Variants in GRM8 observed in about 807,000 individuals in gnomAD.
GRM8 encodes glutamate metabotropic receptor 8.
Under a neutral mutation model 87.2 loss-of-function variants are expected in GRM8, and 47 were observed. The ratio of observed to expected loss-of-function variants is 0.54; its 90% CI spans 0.43 to 0.69. The LOEUF is 0.69. Among genes scored for constraint, GRM8 ranks in the 30% least tolerant of loss-of-function variants. The pLI is 0.00. For missense variants in GRM8, 1,019 were observed against 1,139.2 expected (o/e 0.89, Z 1.52); for synonymous variants, 396 against 404.5 (o/e 0.98, Z 0.25).
In GRM8 at chr7:126,875,970, C is replaced by T. The variant is rs534384603; in HGVS notation, c.1156+26572G>A. On this transcript the variant is annotated intron_variant, in intron 6 of 10. Coordinates refer to ENST00000339582, the MANE Select transcript of GRM8 (RefSeq NM_000845.3). Reference sequence around the variant, plus strand: ...AATTCAGTAGTATTCATAGACCCAACACAATCTCTTCTTGTCTTTAATGTG... The same window carrying T: ...AATTCAGTAGTATTCATAGACCCAATACAATCTCTTCTTGTCTTTAATGTG... Among the ~76,000 whole-genome samples the T allele has an allele frequency of 1.4e-4, 22 of 152,262 alleles. No individual in the cohort carries two copies. In the South Asian group the frequency reaches 3.7e-3, roughly 26 times the overall value.
chr7:126,634,774 G>C (rs1488365226), intron 7 of GRM8, among the ~76,000 whole-genome samples: 3 of 152,096 alleles, frequency 2.0e-5, no homozygotes, highest in Non-Finnish European at 4.4e-5. Context: ...CAGACGTTAT[G>C]AGTATATGGA....
intron 7 of GRM8, among the ~76,000 whole-genome samples, chr7:126,666,703 A>C (rs1373721934): frequency 6.6e-6 from 1 of 152,198 alleles, no homozygotes; most frequent in Non-Finnish European, 1.5e-5. Context: ...AAAAAGAATA[A>C]GAACAAAAAT....
intron 2 of GRM8, among the ~76,000 whole-genome samples, chr7:127,206,798 T>C (rs951969306): frequency 1.3e-5 from 2 of 152,218 alleles, no homozygotes; most frequent in Non-Finnish European, 2.9e-5. Flanking sequence ...ACTAAAGAGA[T>C]TGTCAGCAGG....
chr7:126,604,377 A>G (rs1798146654), intron 8 of GRM8, among the ~76,000 whole-genome samples: 1 of 152,162 alleles, frequency 6.6e-6, no homozygotes, highest in East Asian at 1.9e-4. Flanking sequence ...CTCCCTATTC[A>G]GAACATCAGA....
chr7:126,890,549 G>A (rs1313264758), intron 6 of GRM8, among the ~76,000 whole-genome samples: 1 of 151,970 alleles, frequency 6.6e-6, no homozygotes, highest in African/African-American at 2.4e-5. Flanking sequence ...TCCCCCTTGT[G>A]GTGGAAACTT....
intron 8 of GRM8, among the ~76,000 whole-genome samples, chr7:126,581,884 A>C (rs1795645337): frequency 6.6e-6 from 1 of 152,122 alleles, no homozygotes. Flanking sequence ...CAGATAACTG[A>C]TAAATGTTGT....
intron 8 of GRM8, 143 bp from the exon 9 acceptor site, chr7:126,534,030 T>C (rs1248036532): frequency 1.6e-6 from 1 of 636,686 alleles, no homozygotes; most frequent in Non-Finnish European, 2.7e-6. Flanking sequence ...TTTTTTCCCC[T>C]GATATTGACT....
chr7:127,004,370 AC>A (rs2132055619), intron 3 of GRM8, among the ~76,000 whole-genome samples: 1 of 151,826 alleles, frequency 6.6e-6, no homozygotes, highest in African/African-American at 2.4e-5. Context: ...TAAATTACTC[AC>A]TAGAGGAAAC....
At chr7:127,139,101 A>G (rs965382411) in intron 2 of GRM8, among the ~76,000 whole-genome samples, 6 of 152,136 alleles carry the variant, frequency 3.9e-5, no homozygotes, top group African/African-American at 1.4e-4. Flanking sequence ...TGAGCCCACA[A>G]ATTCTAACTA....
intron 9 of GRM8, among the ~76,000 whole-genome samples, chr7:126,467,973 A>C (rs1241563701): frequency 6.6e-6 from 1 of 152,084 alleles, no homozygotes; most frequent in Non-Finnish European, 1.5e-5. Flanking sequence ...ATAGTGGCAA[A>C]TGATTTAATA....
At chr7:127,246,102 T>C (rs1272885425) in intron 1 of GRM8, among the ~76,000 whole-genome samples, 2 of 152,230 alleles carry the variant, frequency 1.3e-5, no homozygotes, top group Admixed American at 6.5e-5. Context: ...ATCTGATACA[T>C]TGTCATAAAA....
chr7:127,152,092 G>C (rs1792418860), intron 2 of GRM8, among the ~76,000 whole-genome samples: 1 of 152,012 alleles, frequency 6.6e-6, no homozygotes, highest in East Asian at 1.9e-4. Flanking sequence ...AGTGAACAAA[G>C]AGTAGAGAAA....
At chr7:127,153,031 A>T (rs938133756) in intron 2 of GRM8, among the ~76,000 whole-genome samples, 2 of 152,126 alleles carry the variant, frequency 1.3e-5, no homozygotes, top group African/African-American at 2.4e-5. Context: ...CAACGTGAAT[A>T]TCAGGGTACA....
intron 2 of GRM8, among the ~76,000 whole-genome samples, chr7:127,198,320 A>T (rs1795400273): frequency 6.6e-6 from 1 of 152,196 alleles, no homozygotes; most frequent in African/African-American, 2.4e-5. Flanking sequence ...CATAAACTGG[A>T]CAAAAGTCTT....
At chr7:127,126,460 G>A (rs1188708650) in intron 2 of GRM8, among the ~76,000 whole-genome samples, 2 of 151,878 alleles carry the variant, frequency 1.3e-5, no homozygotes, top group African/African-American at 4.8e-5. Flanking sequence ...GGTAGGTCTA[G>A]TACCCTCAGA....
intron 9 of GRM8, among the ~76,000 whole-genome samples, chr7:126,484,960 C>G (rs1326754958): frequency 6.6e-6 from 1 of 151,354 alleles, no homozygotes; most frequent in Non-Finnish European, 1.5e-5. Flanking sequence ...GACTTATGTA[C>G]TTGATTTTGT....
intron 2 of GRM8, among the ~76,000 whole-genome samples, chr7:127,122,929 G>A (rs1827168479): frequency 6.6e-6 from 1 of 152,094 alleles, no homozygotes; most frequent in African/African-American, 2.4e-5. Flanking sequence ...AGGGTAAGGG[G>A]ATGAGTGGAG....
At chr7:126,551,250 A>G (rs1792552274) in intron 8 of GRM8, among the ~76,000 whole-genome samples, 1 of 152,138 alleles carries the variant, frequency 6.6e-6, no homozygotes, top group Non-Finnish European at 1.5e-5. Flanking sequence ...AAGGCTCACG[A>G]GAAAGGTATC....
chr7:126,854,604 T>G (rs1797508209), intron 6 of GRM8, among the ~76,000 whole-genome samples: 1 of 152,160 alleles, frequency 6.6e-6, no homozygotes, highest in South Asian at 2.1e-4. Context: ...TTCTCAGGAG[T>G]GCTCTTCCAC....
Sources: allele counts gnomAD v4.1 joint callset (sites outside exome capture counted in the v4.1 genomes callset), GRCh38; gene constraint gnomAD v4.1.1; transcripts MANE v1.5; gene names NCBI Gene and HGNC (gene_info 2026-07-23, HGNC 2026-07-21).